The following ZNF330 variants were observed in gnomAD, a reference collection of about 807,000 sequenced individuals.
ZNF330 encodes the protein zinc finger protein 330.
Under a neutral mutation model 45.5 loss-of-function variants are expected in ZNF330, and 31 were observed. The observed-to-expected ratio is 0.68, with a 90% confidence interval of 0.51 to 0.92. The LOEUF (loss-of-function observed/expected upper bound fraction) is 0.92. Among genes scored for constraint, ZNF330 ranks in the 40% least tolerant of loss-of-function variants. The probability of loss-of-function intolerance (pLI) is 0.00; values close to 1 mark genes in which losing one functional copy is unlikely to be tolerated. For synonymous variants in ZNF330, 138 were observed against 123.2 expected (o/e 1.12, Z -0.79); for missense variants, 356 against 387.4 (o/e 0.92, Z 0.68).
At chr4:141,222,705 C>T in intron 2 of ZNF330, 1 of 372,516 alleles carries the variant, frequency 2.7e-6, no homozygotes, top group Non-Finnish European at 4.8e-6. Context: ...ACTTTACATA[C>T]TGTTGGTGAT....
Position 141,233,816 on chromosome 4 carries a change from G to A in ZNF330, c.790G>A (p.Asp264Asn), listed in dbSNP as rs1267066653. Reference protein sequence around the residue: ...WKNLSSDKYGDTSYHDEEEDE... With the variant: ...WKNLSSDKYGNTSYHDEEEDE... ...GAACCTTTCATCTGATAAGTATGGT[G>A]ATACCAGCTACCACGATGAGGAGGA... Residue 264 changes from aspartate to asparagine, a missense_variant, in exon 10 of 10, where the codon GAT (aspartate) becomes AAT (asparagine). By Grantham distance (23) the Asp-to-Asn change is conservative. Coordinates refer to ENST00000262990, the MANE Select transcript of ZNF330 (RefSeq NM_014487.6). The A allele has an allele frequency of 1.2e-6, 2 of 1,613,652 alleles. No individual in the cohort carries two copies. The highest frequency in any genetic ancestry group is 3.3e-5 in the Admixed American group (2 of 59,930).
At chr4:141,228,577 C>T (rs796871242) in intron 5 of ZNF330, among the ~76,000 whole-genome samples, 4 of 152,228 alleles carry the variant, frequency 2.6e-5, no homozygotes, top group African/African-American at 9.6e-5. Flanking sequence ...CAAATTATCT[C>T]TTTAAAACTC....
chr4:141,226,743 A>C (rs1728812860), intron 4 of ZNF330, 24 bp from the exon 5 acceptor site: 17 of 1,591,402 alleles, frequency 1.1e-5, no homozygotes, highest in Non-Finnish European at 1.4e-5. Context: ...CAAGACTAAC[A>C]GTGCAAATGT....
At chr4:141,228,151 G>A (rs1479204328) in intron 5 of ZNF330, among the ~76,000 whole-genome samples, 2 of 152,096 alleles carry the variant, frequency 1.3e-5, no homozygotes, top group African/African-American at 4.8e-5. Flanking sequence ...TAGAAGCAAG[G>A]AGCGAGAATT....
In ZNF330 at chr4:141,234,389, A is replaced by G. The variant is rs1729035586; in HGVS notation, c.*400A>G. The G allele has an allele frequency of 6.4e-6, 1 of 155,754 alleles. No homozygotes were observed. The highest frequency in any genetic ancestry group is 6.4e-5 in the Admixed American group (1 of 15,642). 9.6% of individuals were successfully genotyped at this position (155,754 alleles called of 1,614,324 possible). On this transcript the variant is annotated 3_prime_UTR_variant, in exon 10 of 10. Coordinates refer to ENST00000262990, the MANE Select transcript of ZNF330 (RefSeq NM_014487.6). ...GCTGATTTTGTAAAATGTAATGAGT[A>G]AAATGAATTACTGTATTTTTCCTTT...
intron 8 of ZNF330, among the ~76,000 whole-genome samples, chr4:141,231,693 G>T (rs1460777269): frequency 6.6e-6 from 1 of 152,080 alleles, no homozygotes; most frequent in Admixed American, 6.6e-5. Flanking sequence ...TAGTAGAGCT[G>T]TGGCTAGTGC....
At chr4:141,227,780 T>A (rs1728847956) in intron 5 of ZNF330, among the ~76,000 whole-genome samples, 1 of 152,142 alleles carries the variant, frequency 6.6e-6, no homozygotes, top group South Asian at 2.1e-4. Flanking sequence ...GAACCTAGGA[T>A]AATAGTGTTC....
intron 2 of ZNF330, chr4:141,223,755 A>G (rs752868557): frequency 2.2e-6 from 1 of 456,228 alleles, no homozygotes. Context: ...ATAAAGGTAC[A>G]ATGTATTTAT....
At position 141,222,389 on chromosome 4, in the gene ZNF330, TG is replaced by T; in HGVS notation, c.20del (p.Gly7ValfsTer16). The T allele has an allele frequency of 6.2e-7, 1 of 1,613,170 alleles. No individual in the cohort carries two copies. Among genetic ancestry groups the T allele is most frequent in the Non-Finnish European group, 8.5e-7 (1 of 1,179,584 alleles). On this transcript the variant is annotated frameshift_variant, in exon 2 of 10. Coordinates refer to ENST00000262990, the MANE Select transcript of ZNF330 (RefSeq NM_014487.6). LOFTEE classifies it high-confidence loss of function. Reference sequence around the variant, plus strand: ...AGGGGAAAATGCCTAAAAAAAAGACTGGTGCGAGGAAGAAGGCTGAGAACCG... The same window carrying T: ...AGGGGAAAATGCCTAAAAAAAAGACTGTGCGAGGAAGAAGGCTGAGAACCG... MPKKKTGARKKAENRRE... is the reference protein window; with the variant it reads MPKKKTXARKKAENRRE...
intron 1 of ZNF330, among the ~76,000 whole-genome samples, chr4:141,221,441 C>T (rs537556637): frequency 1.3e-5 from 2 of 152,160 alleles, no homozygotes; most frequent in Non-Finnish European, 2.9e-5. Context: ...TCTCTGAGGA[C>T]GCAGAAAGTT....
In ZNF330 at chr4:141,233,930, T is replaced by C. The variant is rs1367571469; in HGVS notation, c.904T>C (p.Leu302=). The change falls in exon 10 of 10, where the codon TTG becomes CTG. Residue 302 remains leucine, a synonymous_variant. Coordinates refer to ENST00000262990, the MANE Select transcript of ZNF330 (RefSeq NM_014487.6). ...DTESSDLFTN[L]NLGRTYASGY... is the part of the protein sequence containing the mutation. ...TGAGTCATCAGATTTGTTTACTAAT[T>C]TGAATTTAGGAAGGACCTATGCTAG... 1.2e-6 allele frequency: 2 copies of C among 1,613,694 alleles called. No homozygotes were observed. Among genetic ancestry groups the C allele is most frequent in the Non-Finnish European group, 1.7e-6 (2 of 1,179,744 alleles).
intron 4 of ZNF330, among the ~76,000 whole-genome samples, chr4:141,225,098 C>G (rs1488486417): frequency 6.6e-6 from 1 of 151,906 alleles, no homozygotes; most frequent in African/African-American, 2.4e-5. Flanking sequence ...CCACATTTAC[C>G]TGGTACTTAT....
chr4:141,222,167 T>C (rs1728694853), intron 1 of ZNF330, among the ~76,000 whole-genome samples, 199 bp from the exon 2 acceptor site: 3 of 152,152 alleles, frequency 2.0e-5, no homozygotes, highest in Admixed American at 2.0e-4. Flanking sequence ...TGCCAATAAA[T>C]GCGTTAAGGA....
intron 5 of ZNF330, among the ~76,000 whole-genome samples, chr4:141,228,180 C>T (rs946971272): frequency 1.3e-5 from 2 of 152,036 alleles, no homozygotes; most frequent in Admixed American, 6.6e-5. Context: ...GTGAATTGCT[C>T]TTTATTTTAA....
At position 141,223,377 on chromosome 4, in the gene ZNF330, G is replaced by A. The variant is rs372186414; in HGVS notation, c.120+886G>A. 1.4e-4 allele frequency among the ~76,000 whole-genome samples: 21 copies of A among 149,432 alleles called. No homozygotes were observed. The East Asian group carries it at 3.6e-3, about 26-fold the overall frequency. On this transcript the variant is annotated intron_variant, in intron 2 of 9. Coordinates refer to ENST00000262990, the MANE Select transcript of ZNF330 (RefSeq NM_014487.6). ...AAGGGGAAGGATATACCTGGGACTCGGGGACAATTGGAACCTGGAACAACT... is the reference window on the plus strand; with the variant it reads ...AAGGGGAAGGATATACCTGGGACTCAGGGACAATTGGAACCTGGAACAACT...
chr4:141,226,996 G>A (rs145562775), intron 5 of ZNF330, 150 bp downstream of exon 5: 129 of 539,512 alleles, frequency 2.4e-4, no homozygotes, highest in African/African-American at 2.4e-3. Context: ...CATGCTTTTT[G>A]TATGATTTTC....
At chr4:141,226,589 T>C (rs1357887587) in intron 4 of ZNF330, among the ~76,000 whole-genome samples, 178 bp from the exon 5 acceptor site, 2 of 152,160 alleles carry the variant, frequency 1.3e-5, no homozygotes, top group Non-Finnish European at 2.9e-5. Flanking sequence ...ATTCGAGTAA[T>C]GAAGTCTCAG....
intron 5 of ZNF330, among the ~76,000 whole-genome samples, chr4:141,228,249 A>C (rs1219811668): frequency 6.6e-6 from 1 of 152,128 alleles, no homozygotes; most frequent in Non-Finnish European, 1.5e-5. Flanking sequence ...TTGGTAGCTT[A>C]AGTTCAGCCA....
At position 141,221,549 on chromosome 4, in the gene ZNF330, A is replaced by G. The variant is rs146362755; in HGVS notation, c.-7+441A>G. 8.5e-3 allele frequency among the ~76,000 whole-genome samples: 1,297 copies of G among 152,218 alleles called. 12 individuals are homozygous for G. The highest frequency in any genetic ancestry group is 0.017 in the Middle Eastern group (5 of 294). Reference sequence around the variant, plus strand: ...ATTTTACATATTGGAATGGTGCCTTAGTGGTCTGGGCGTTACGTTACCGAA... The same window carrying G: ...ATTTTACATATTGGAATGGTGCCTTGGTGGTCTGGGCGTTACGTTACCGAA... On this transcript the variant is annotated intron_variant, in intron 1 of 9. Coordinates refer to ENST00000262990, the MANE Select transcript of ZNF330 (RefSeq NM_014487.6).
Sources: allele counts gnomAD v4.1 joint callset (sites outside exome capture counted in the v4.1 genomes callset), GRCh38; gene constraint gnomAD v4.1.1; transcripts MANE v1.5; gene names NCBI Gene and HGNC (gene_info 2026-07-23, HGNC 2026-07-21).